SEMA6D: variants seen among roughly 807,000 people sequenced by gnomAD.
The protein encoded by SEMA6D is semaphorin 6D, also known as semaphorin-6D.
SEMA6D carries 35 observed loss-of-function variants against 106.6 expected under a neutral mutation model. That is an observed-to-expected ratio of 0.33 (90% CI 0.25 to 0.44). The LOEUF (loss-of-function observed/expected upper bound fraction) is 0.44. SEMA6D is among the 20% of genes least tolerant of loss of function. SEMA6D has a pLI of 1.00. For synonymous variants in SEMA6D, 499 were observed against 487.7 expected, an observed-to-expected ratio of 1.02 and a Z score of -0.31; for missense variants, 1,185 against 1,345.9, an observed-to-expected ratio of 0.88 and a Z score of 1.87.
intron 3 of SEMA6D, among the ~76,000 whole-genome samples, chr15:47,519,140 TAAAAA>T (rs2044487853): frequency 6.6e-6 from 1 of 152,088 alleles, no homozygotes; most frequent in Non-Finnish European, 1.5e-5. Context: ...AAAAATTAAA[TAAAAA>T]TAAAATGTAT....
At chr15:47,647,759 A>G (rs10851458) in intron 4 of SEMA6D, among the ~76,000 whole-genome samples, 65,449 of 151,490 alleles carry the variant, frequency 0.43, 14,326 homozygotes, top group African/African-American at 0.48. Flanking sequence ...CCTTATTGGA[A>G]GCAAATTATT....
At chr15:47,519,863 G>A (rs890372547) in intron 3 of SEMA6D, among the ~76,000 whole-genome samples, 2 of 152,188 alleles carry the variant, frequency 1.3e-5, no homozygotes, top group Non-Finnish European at 2.9e-5. Flanking sequence ...AGCTTCTTGG[G>A]AGAAATACAT....
At chr15:47,245,371 G>T (rs2033143613) in intron 1 of SEMA6D, among the ~76,000 whole-genome samples, 1 of 152,134 alleles carries the variant, frequency 6.6e-6, no homozygotes, top group Admixed American at 6.6e-5. Context: ...TAGCCATCCT[G>T]ATGGACTTTA....
chr15:47,487,856 T>C (rs73388958), intron 3 of SEMA6D, among the ~76,000 whole-genome samples: 4,405 of 152,318 alleles, frequency 0.029, 222 homozygotes, highest in African/African-American at 0.1. Context: ...TCAACTTCAA[T>C]ATTATAAAAT....
intron 2 of SEMA6D, among the ~76,000 whole-genome samples, chr15:47,441,038 G>A (rs941183234): frequency 1.4e-4 from 21 of 152,006 alleles, no homozygotes; most frequent in South Asian, 8.3e-4. Context: ...CTGACATTCC[G>A]CTTGACACTT....
intron 4 of SEMA6D, among the ~76,000 whole-genome samples, chr15:47,652,185 G>A (rs1433375537): frequency 6.6e-6 from 1 of 152,132 alleles, no homozygotes; most frequent in Non-Finnish European, 1.5e-5. Flanking sequence ...GCATGTAGAA[G>A]CTTCATTCAA....
chr15:47,221,895 G>A (rs2031237168), intron 1 of SEMA6D, among the ~76,000 whole-genome samples: 1 of 152,172 alleles, frequency 6.6e-6, no homozygotes, highest in Middle Eastern at 3.4e-3. Flanking sequence ...AATTTAATTT[G>A]TATCCTTTTG....
At chr15:47,546,887 A>C (rs1473774139) in intron 3 of SEMA6D, among the ~76,000 whole-genome samples, 1 of 151,432 alleles carries the variant, frequency 6.6e-6, no homozygotes, top group East Asian at 1.9e-4. Flanking sequence ...CCAGCTTGCA[A>C]CCTTGGCCCT....
At chr15:47,434,847 G>A (rs1317251736) in intron 2 of SEMA6D, among the ~76,000 whole-genome samples, 3 of 152,058 alleles carry the variant, frequency 2.0e-5, no homozygotes, top group African/African-American at 7.2e-5. Context: ...TGCGTTCTTT[G>A]TAAGAAATAT....
At chr15:47,279,638 A>G (rs1348694012) in intron 1 of SEMA6D, among the ~76,000 whole-genome samples, 3 of 151,936 alleles carry the variant, frequency 2.0e-5, no homozygotes, top group Non-Finnish European at 4.4e-5. Context: ...GTTTTTGTCC[A>G]TTCACTATGA....
chr15:47,294,573 C>G (rs180986661), intron 1 of SEMA6D, among the ~76,000 whole-genome samples: 102 of 152,200 alleles, frequency 6.7e-4, no homozygotes, highest in African/African-American at 2.4e-3. Context: ...TTACAAAAAG[C>G]GTTTCCGTGT....
chr15:47,558,168 C>A (rs2045970021), intron 3 of SEMA6D, among the ~76,000 whole-genome samples: 1 of 152,196 alleles, frequency 6.6e-6, no homozygotes, highest in Non-Finnish European at 1.5e-5. Context: ...CAGCACTAAC[C>A]TCCTCTGACT....
At chr15:47,598,049 G>A (rs2076572413) in intron 3 of SEMA6D, among the ~76,000 whole-genome samples, 1 of 151,848 alleles carries the variant, frequency 6.6e-6, no homozygotes, top group Non-Finnish European at 1.5e-5. Context: ...CTTTATTTCA[G>A]AAGAACTCTG....
At chr15:47,626,112 G>T (rs776121998) in intron 4 of SEMA6D, among the ~76,000 whole-genome samples, 1 of 152,124 alleles carries the variant, frequency 6.6e-6, no homozygotes, top group African/African-American at 2.4e-5. Flanking sequence ...AGAGTTGGAA[G>T]ACTTCTTTGG....
At chr15:47,422,815 C>T (rs186523264) in intron 2 of SEMA6D, among the ~76,000 whole-genome samples, 112 of 152,134 alleles carry the variant, frequency 7.4e-4, no homozygotes, top group African/African-American at 2.6e-3. Context: ...TTAACATGAG[C>T]AATTAACATC....
chr15:47,644,446 G>A (rs1020718463), intron 4 of SEMA6D, among the ~76,000 whole-genome samples: 1 of 152,188 alleles, frequency 6.6e-6, no homozygotes, highest in Non-Finnish European at 1.5e-5. Context: ...CTTACAATAA[G>A]GTGGTTACTG....
At chr15:47,724,749 T>C (rs2079630867) in intron 1 of SEMA6D, among the ~76,000 whole-genome samples, 2 of 152,222 alleles carry the variant, frequency 1.3e-5, no homozygotes, top group Non-Finnish European at 2.9e-5. Context: ...TCCACAAATA[T>C]TTATTGAGCG....
At chr15:47,347,529 T>C (rs1377295174) in intron 1 of SEMA6D, among the ~76,000 whole-genome samples, 1 of 152,226 alleles carries the variant, frequency 6.6e-6, no homozygotes, top group Non-Finnish European at 1.5e-5. Context: ...TAACTAGAGA[T>C]ATATAAAAAC....
At chr15:47,578,362 T>C (rs924091749) in intron 3 of SEMA6D, among the ~76,000 whole-genome samples, 3 of 152,250 alleles carry the variant, frequency 2.0e-5, no homozygotes, top group African/African-American at 7.2e-5. Flanking sequence ...CTATTTAGTG[T>C]CTGGTCTTTT....
Sources: allele counts gnomAD v4.1 joint callset (sites outside exome capture counted in the v4.1 genomes callset), GRCh38; gene constraint gnomAD v4.1.1; transcripts MANE v1.5; gene names NCBI Gene and HGNC (gene_info 2026-07-23, HGNC 2026-07-21).